PPP2R1B: variants seen among roughly 807,000 people sequenced by gnomAD.
PPP2R1B encodes protein phosphatase 2 scaffold subunit Abeta.
In PPP2R1B, 58 loss-of-function variants were observed where a neutral mutation model predicts 72.7. That is an observed-to-expected ratio of 0.80 (90% CI 0.65 to 0.99). PPP2R1B has a LOEUF of 0.99. PPP2R1B is among the 50% of genes least tolerant of loss of function. The pLI is 0.00. For missense variants in PPP2R1B, 695 were observed against 733.6 expected (o/e 0.95, Z 0.61); for synonymous variants, 256 against 264.6 (o/e 0.97, Z 0.32).
downstream of PPP2R1B, chr11:111,723,979 A>G (rs1349042523): frequency 6.2e-7 from 1 of 1,614,110 alleles, no homozygotes; most frequent in Non-Finnish European, 8.5e-7. Flanking sequence ...AGAGCGACCT[A>G]ACGGGGCCAG....
At chr11:111,731,299 G>A (rs1312867355) in intron 15 of PPP2R1B, among the ~76,000 whole-genome samples, 3 of 152,212 alleles carry the variant, frequency 2.0e-5, no homozygotes, top group Non-Finnish European at 2.9e-5. Flanking sequence ...GAGGTGCTGC[G>A]AGCTGCCAGG....
the PPP2R1B span, among the ~76,000 whole-genome samples, chr11:111,697,995 A>T: frequency 6.6e-6 from 1 of 152,120 alleles, no homozygotes; most frequent in Non-Finnish European, 1.5e-5. Flanking sequence ...TGGGCAACAG[A>T]GCAAGACCAG....
chr11:111,742,892 T>G (rs1400683976), intron 12 of PPP2R1B, among the ~76,000 whole-genome samples: 1 of 151,892 alleles, frequency 6.6e-6, no homozygotes, highest in African/African-American at 2.4e-5. Flanking sequence ...TTGTTTTTTT[T>G]TTTTTCAGGC....
At chr11:111,710,418 G>C in the PPP2R1B span, among the ~76,000 whole-genome samples, 18 of 152,126 alleles carry the variant, frequency 1.2e-4, no homozygotes, top group African/African-American at 3.9e-4. Context: ...TATAGCCAGT[G>C]ATATTAATAT....
At chr11:111,707,348 T>G in the PPP2R1B span, among the ~76,000 whole-genome samples, 1 of 152,192 alleles carries the variant, frequency 6.6e-6, no homozygotes, top group East Asian at 1.9e-4. Flanking sequence ...ATGAGCAAAT[T>G]CCCCGGCATA....
At chr11:111,720,069 A>G in the PPP2R1B span, 159 of 1,490,378 alleles carry the variant, frequency 1.1e-4, no homozygotes, top group Non-Finnish European at 1.3e-4. Flanking sequence ...ATTGCCAACA[A>G]GTGGTCACGA....
the PPP2R1B span, among the ~76,000 whole-genome samples, chr11:111,694,330 C>T: frequency 6.6e-6 from 1 of 152,190 alleles, no homozygotes; most frequent in East Asian, 1.9e-4. Context: ...GTTGATGCAA[C>T]TTAATTTTTT....
chr11:111,765,769 T>G, intron 1 of PPP2R1B: 1 of 476,370 alleles, frequency 2.1e-6, no homozygotes. Context: ...TCGTCCAGAT[T>G]AATCGGCCAT....
chr11:111,717,916 TA>T, the PPP2R1B span, among the ~76,000 whole-genome samples: 1 of 152,032 alleles, frequency 6.6e-6, no homozygotes, highest in Non-Finnish European at 1.5e-5. Context: ...TGGGGCCTGT[TA>T]GGGGGGCAAT....
In PPP2R1B at chr11:111,766,140, T is replaced by C. The variant is rs582055; in HGVS notation, c.114+108A>G. On this transcript the variant is annotated intron_variant, in intron 1 of 14. Coordinates refer to ENST00000527614, the MANE Select transcript of PPP2R1B (RefSeq NM_002716.5). ...CTCCCCTTCAAGTTTCTGCTACGAG[T>C]CCGACTCATTCAGTACCTCGGCCAC... The C allele has an allele frequency of 0.024, 24,817 of 1,021,016 alleles. 3,858 individuals carry two copies. The African/African-American group carries it at 0.35, about 14-fold the overall frequency. The allele number at this position is 1,021,016 out of a possible 1,614,324, so 63.2% of individuals were successfully genotyped here. A position where few individuals can be genotyped will look rare whatever the true frequency, so the allele number is the denominator to read the frequency against.
rs1944387227 is a variant in PPP2R1B at position 111,737,942 on chromosome 11, A to T, written c.*3654T>A. On this transcript the variant is annotated 3_prime_UTR_variant, in exon 15 of 15. Coordinates refer to ENST00000527614, the MANE Select transcript of PPP2R1B (RefSeq NM_002716.5). ...CAGAAATGGCTTGGCTTTCCGACGC[A>T]ATGAGTAATTAAACTCTATTCGTCC... The T allele has an allele frequency of 9.6e-7, 1 of 1,039,834 alleles. No homozygotes were observed. Among genetic ancestry groups the T allele is most frequent in the Non-Finnish European group, 1.2e-6 (1 of 862,066 alleles). 64.4% of individuals were successfully genotyped at this position (1,039,834 alleles called of 1,614,324 possible).
the PPP2R1B span, among the ~76,000 whole-genome samples, chr11:111,711,428 A>AT: frequency 6.6e-6 from 1 of 152,066 alleles, no homozygotes; most frequent in Non-Finnish European, 1.5e-5. Context: ...GCCTTAAATG[A>AT]TTTTTTAAAA....
chr11:111,700,834 C>T, the PPP2R1B span: 1 of 1,601,116 alleles, frequency 6.2e-7, no homozygotes, highest in Non-Finnish European at 8.5e-7. Context: ...CAGAGAAATG[C>T]AGTATAGTTT....
rs1555048990 is a variant in PPP2R1B at position 111,754,567 on chromosome 11, G to A, written c.961C>T (p.Leu321Phe). Residue 321 changes from leucine to phenylalanine, a missense_variant and splice_region_variant, in exon 8 of 15, where the codon CTT becomes TTT. Transcript: ENST00000527614. ...RAAAAHKVKELGENLPIEDRE... is the reference protein window; with the variant it reads ...RAAAAHKVKEFGENLPIEDRE... ...TCTTCAATGGGCAAGTTCTCACCAA[G>A]TTCTAAAAGATAAATAGAAAAAAAG... is the stretch of plus-strand genomic sequence containing the variant. 1.1e-5 allele frequency: 17 copies of A among 1,598,960 alleles called. No individual in the cohort carries two copies. Among genetic ancestry groups the A allele is most frequent in the Non-Finnish European group, 1.4e-5 (17 of 1,176,554 alleles).
the PPP2R1B span, among the ~76,000 whole-genome samples, chr11:111,713,182 A>G: frequency 7.3e-6 from 1 of 136,848 alleles, no homozygotes; most frequent in African/African-American, 2.5e-5. Flanking sequence ...TAATAAATTA[A>G]TAAAAATAAA....
At chr11:111,706,923 G>A in the PPP2R1B span, among the ~76,000 whole-genome samples, 3 of 145,352 alleles carry the variant, frequency 2.1e-5, no homozygotes, top group East Asian at 2.0e-4. Flanking sequence ...TCCCGCCACT[G>A]CACTCCAGCC....
In PPP2R1B at chr11:111,740,263, G is replaced by A; in HGVS notation, c.*1333C>T. ...GATGGACTCTCGCTCTATGGCCCAG[G>A]CTAGAGTGCAGTGGCGCGATCTCGG... On this transcript the variant is annotated 3_prime_UTR_variant, in exon 15 of 15. Transcript: ENST00000527614. The A allele has an allele frequency of 8.3e-6, 8 of 969,434 alleles. No homozygotes were observed. The highest frequency in any genetic ancestry group is 9.8e-6 in the Non-Finnish European group (8 of 815,510). 60.1% of individuals were successfully genotyped at this position (969,434 alleles called of 1,614,324 possible).
intron 10 of PPP2R1B, among the ~76,000 whole-genome samples, chr11:111,749,614 C>T (rs545301699): frequency 2.6e-5 from 4 of 152,276 alleles, no homozygotes; most frequent in African/African-American, 9.6e-5. Context: ...TTTAACTTTA[C>T]ACTTACTTAA....
At chr11:111,737,589 C>A (rs756001483), downstream of PPP2R1B, 1 of 1,614,088 alleles carries the variant, frequency 6.2e-7, no homozygotes, top group Non-Finnish European at 8.5e-7. Flanking sequence ...CAGACAGTGG[C>A]GCTGTAACTG....
Sources: allele counts gnomAD v4.1 joint callset (sites outside exome capture counted in the v4.1 genomes callset), GRCh38; gene constraint gnomAD v4.1.1; transcripts MANE v1.5; gene names NCBI Gene and HGNC (gene_info 2026-07-23, HGNC 2026-07-21).